ZNF430: variants seen among roughly 807,000 people sequenced by gnomAD.
ZNF430 encodes zinc finger protein 430.
Under a neutral mutation model 56.7 loss-of-function variants are expected in ZNF430, and 35 were observed. That is an observed-to-expected ratio of 0.62 (90% CI 0.47 to 0.82). ZNF430 has a LOEUF of 0.82. Among genes scored for constraint, ZNF430 ranks in the 40% least tolerant of loss-of-function variants. The pLI is 0.00. For missense variants in ZNF430, 574 were observed against 661.0 expected, an observed-to-expected ratio of 0.87 and a Z score of 1.44; for synonymous variants, 212 against 224.3, an observed-to-expected ratio of 0.94 and a Z score of 0.49.
chr19:21,044,375 G>T (rs1377659834), intron 4 of ZNF430, among the ~76,000 whole-genome samples: 1 of 152,136 alleles, frequency 6.6e-6, no homozygotes, highest in Non-Finnish European at 1.5e-5. Context: ...TTTATATGAT[G>T]AATTGTATTT....
intron 2 of ZNF430, among the ~76,000 whole-genome samples, chr19:21,026,235 C>T (rs900158952): frequency 4.0e-5 from 6 of 150,776 alleles, no homozygotes; most frequent in South Asian, 2.1e-4. Flanking sequence ...GTTGCCCCGG[C>T]TGGAGTTCAG....
Position 21,059,193 on chromosome 19 carries a change from A to G in ZNF430, c.*1172A>G, listed in dbSNP as rs981631542. The G allele has an allele frequency of 5.3e-5, 8 of 152,234 alleles. No homozygotes were observed. Among genetic ancestry groups the G allele is most frequent in the Admixed American group, 1.3e-4 (2 of 15,280 alleles). 9.4% of individuals were successfully genotyped at this position (152,234 alleles called of 1,614,324 possible). The stretch of plus-strand genomic sequence containing the variant: ...ATCAGAGAATTTACTGTAGAAATAT[A>G]TAAGGCACTGAGACTTCAGATATTA... On this transcript the variant is annotated 3_prime_UTR_variant, in exon 5 of 5. Coordinates refer to ENST00000261560, the MANE Select transcript of ZNF430 (RefSeq NM_025189.4).
At chr19:21,026,043 C>G (rs992090563) in intron 2 of ZNF430, 9 of 344,274 alleles carry the variant, frequency 2.6e-5, no homozygotes, top group Middle Eastern at 9.3e-4. Context: ...ACTCCTGGAT[C>G]TAATTTTTGT....
In ZNF430 at chr19:21,057,894, C is replaced by T; in HGVS notation, c.1586C>T (p.Thr529Ile). 1 of 1,613,954 alleles carries T rather than the reference C, an allele frequency of 6.2e-7. No homozygotes were observed. Among genetic ancestry groups the T allele is most frequent in the Non-Finnish European group, 8.5e-7 (1 of 1,179,936 alleles). Residue 529 changes from threonine (T) to isoleucine (I), a missense_variant, in exon 5 of 5, where the codon ACT becomes ATT. Thr to Ile is a moderately conservative substitution (Grantham distance 89). Transcript: ENST00000261560. ...GCCTTTAGCCAGTCTTCAACTCTTA[C>T]TAAACATAAGGTAATTCATACTGGA... ...DKAFSQSSTLTKHKVIHTGEK... is the reference protein window; with the variant it reads ...DKAFSQSSTLIKHKVIHTGEK...
At chr19:21,055,342 G>C (rs1356375109) in intron 4 of ZNF430, among the ~76,000 whole-genome samples, 1 of 152,008 alleles carries the variant, frequency 6.6e-6, no homozygotes, top group Non-Finnish European at 1.5e-5. Context: ...TAGAGATACT[G>C]GGAGTCTCTC....
intron 4 of ZNF430, among the ~76,000 whole-genome samples, chr19:21,046,991 T>G (rs914199028): frequency 6.6e-6 from 1 of 152,234 alleles, no homozygotes; most frequent in Non-Finnish European, 1.5e-5. Flanking sequence ...AGGTTCGGTC[T>G]TTTTACATAA....
Position 21,042,538 on chromosome 19 carries a change from A to G in ZNF430, c.322+8354A>G, listed in dbSNP as rs1427909332. 3.3e-5 allele frequency among the ~76,000 whole-genome samples: 5 copies of G among 152,204 alleles called. No homozygotes were observed. In the East Asian group the frequency reaches 9.6e-4, roughly 29 times the overall value. On this transcript the variant is annotated intron_variant, in intron 4 of 4. Coordinates refer to ENST00000261560, the MANE Select transcript of ZNF430 (RefSeq NM_025189.4). ...CACGGTGGCTCACACCTGTAATCCC[A>G]GCACTTTGGGGGTGCCGAGGCAGGA...
chr19:21,036,966 C>CA (rs1968010690), intron 4 of ZNF430, among the ~76,000 whole-genome samples: 1 of 152,124 alleles, frequency 6.6e-6, no homozygotes, highest in Non-Finnish European at 1.5e-5. Flanking sequence ...CCTTGACAAA[C>CA]ACCCTTCCAC....
rs753124776 is a variant in ZNF430 at position 21,056,839 on chromosome 19, T to C, written c.531T>C (p.Phe177=). 7 of 1,613,152 alleles carry C rather than the reference T, an allele frequency of 4.3e-6. No homozygotes were observed. In the South Asian group the frequency reaches 6.6e-5, roughly 15 times the overall value. The change falls in exon 5 of 5, where the codon TTT becomes TTC. Residue 177 remains phenylalanine, a synonymous_variant. Coordinates refer to ENST00000261560, the MANE Select transcript of ZNF430 (RefSeq NM_025189.4). ...QCLTTTQSEI[F]QYDKYVNVFY... The stretch of plus-strand genomic sequence containing the variant: ...TGACAACTACCCAGAGTGAAATATT[T>C]CAATATGATAAATATGTGAATGTCT...
intron 2 of ZNF430, 140 bp from the exon 3 acceptor site, chr19:21,033,316 A>C: frequency 4.0e-6 from 5 of 1,236,902 alleles, no homozygotes; most frequent in Non-Finnish European, 5.4e-6. Context: ...AAAAAAAAAA[A>C]ATTATTGGAT....
At chr19:21,043,093 T>G (rs552574692) in intron 4 of ZNF430, among the ~76,000 whole-genome samples, 4 of 152,230 alleles carry the variant, frequency 2.6e-5, no homozygotes, top group Admixed American at 2.6e-4. Flanking sequence ...TGATAGTTTT[T>G]TTGTTGTTGT....
chr19:21,045,666 G>C (rs1599502656), intron 4 of ZNF430, among the ~76,000 whole-genome samples: 1 of 152,114 alleles, frequency 6.6e-6, no homozygotes, highest in African/African-American at 2.4e-5. Flanking sequence ...TTGGCAGTAG[G>C]GTGTTAAAGT....
intron 2 of ZNF430, among the ~76,000 whole-genome samples, chr19:21,025,392 T>A (rs911486086): frequency 2.6e-5 from 4 of 152,102 alleles, no homozygotes; most frequent in African/African-American, 9.7e-5. Flanking sequence ...TTTGGTGAGT[T>A]TTATCCACCT....
intron 4 of ZNF430, among the ~76,000 whole-genome samples, chr19:21,055,023 C>T (rs1055860962): frequency 1.3e-5 from 2 of 151,650 alleles, no homozygotes; most frequent in Non-Finnish European, 1.5e-5. Flanking sequence ...GTATTTTTTG[C>T]CTTCATAATT....
At chr19:21,020,879 C>T in intron 1 of ZNF430, 76 bp downstream of exon 1, 2 of 1,592,836 alleles carry the variant, frequency 1.3e-6, no homozygotes, top group Non-Finnish European at 1.7e-6. Flanking sequence ...TGTGGCGGGA[C>T]TCAGGCCTCC....
chr19:21,032,845 G>A (rs1176130537), intron 2 of ZNF430, among the ~76,000 whole-genome samples: 2 of 152,114 alleles, frequency 1.3e-5, no homozygotes, highest in Non-Finnish European at 2.9e-5. Flanking sequence ...AAGTTGAGAG[G>A]TACCTTCGAA....
At position 21,057,535 on chromosome 19, in the gene ZNF430, CTTTAATTGG is replaced by C; in HGVS notation, c.1229_1237del (p.Phe410_Trp412del). On this transcript the variant is annotated inframe_deletion, in exon 5 of 5. Transcript: ENST00000261560. ...ACAAATGTGAAGAATGTGGCAAAGG[CTTTAATTGG>C]TCCTCGACCCTTACTAAACATAAAA... The C allele has an allele frequency of 1.2e-6, 2 of 1,611,594 alleles. No homozygotes were observed. Among genetic ancestry groups the C allele is most frequent in the Non-Finnish European group, 1.7e-6 (2 of 1,179,652 alleles).
intron 3 of ZNF430, 92 bp downstream of exon 3, chr19:21,033,674 A>G (rs886285856): frequency 1.2e-5 from 16 of 1,372,432 alleles, no homozygotes; most frequent in Middle Eastern, 1.9e-4. Context: ...TATGCTTTGC[A>G]TAAATGAGTT....
At chr19:21,024,047 A>C (rs542659888) in intron 2 of ZNF430, among the ~76,000 whole-genome samples, 22 of 152,304 alleles carry the variant, frequency 1.4e-4, no homozygotes, top group African/African-American at 5.3e-4. Context: ...GAGTAACTCT[A>C]ACATAGAAAT....
Sources: gnomAD v4.1 joint callset for allele counts (sites outside exome capture counted in the v4.1 genomes callset) on GRCh38, gnomAD v4.1.1 for gene constraint, MANE v1.5 for transcripts, NCBI Gene and HGNC (gene_info 2026-07-23, HGNC 2026-07-21) for gene names.